Variants in AKT2 observed in about 807,000 individuals in gnomAD.
The protein encoded by AKT2 is RAC-beta serine/threonine-protein kinase.
A neutral mutation model predicts 58.6 loss-of-function variants in AKT2; 16 were observed. The ratio of observed to expected loss-of-function variants is 0.27; its 90% CI spans 0.18 to 0.41. AKT2 has a LOEUF of 0.41. AKT2 is among the 10% of genes least tolerant of loss of function. The pLI is 1.00. For synonymous variants in AKT2, 253 were observed against 254.0 expected (o/e 1.00, Z 0.04); for missense variants, 438 against 661.0 (o/e 0.66, Z 3.70).
At chr19:40,257,198 T>C in intron 2 of AKT2, 144 bp from the exon 3 acceptor site, 2 of 1,139,998 alleles carry the variant, frequency 1.8e-6, no homozygotes, top group South Asian at 1.3e-5. Flanking sequence ...AGAATGCCTC[T>C]CCCAGAGGAG....
chr19:40,232,401 C>A lies in AKT2; in HGVS notation c.*1471G>T. On this transcript the variant is annotated 3_prime_UTR_variant, in exon 14 of 14. Coordinates refer to ENST00000392038, the MANE Select transcript of AKT2 (RefSeq NM_001626.6). Reference sequence around the variant, plus strand: ...AGACGAGGAGAAAGGCCAGTAGGGACGGAGAACTGTCAGATAACAACATCG... The same window carrying A: ...AGACGAGGAGAAAGGCCAGTAGGGAAGGAGAACTGTCAGATAACAACATCG... The A allele has an allele frequency of 4.3e-6, 1 of 233,748 alleles. No homozygotes were observed. The highest frequency in any genetic ancestry group is 6.0e-5 in the East Asian group (1 of 16,582). The allele number at this position is 233,748 out of a possible 1,614,324, so 14.5% of individuals were successfully genotyped here.
In AKT2 at chr19:40,242,645, G is replaced by A. The variant is rs1974487283; in HGVS notation, c.330C>T (p.Leu110=). The change falls in exon 5 of 14, where the codon CTC becomes CTT. Residue 110 remains leucine (L), a synonymous_variant. Transcript: ENST00000392038. This position sits in a 1 kb window ranked among gnomAD's most constrained non-coding sequence, Gnocchi z 4.3. ...MRAIQMVANS[L]KQRAPGEDPM... is the part of the protein sequence containing the mutation. The stretch of plus-strand genomic sequence containing the variant: ...GGTCCTCGCCTGGGGCCCGCTGCTT[G>A]AGGCTGTTGGCGACCATCTGGATGG... 6.2e-7 allele frequency: 1 copy of A among 1,613,090 alleles called. No individual in the cohort carries two copies. Among genetic ancestry groups the A allele is most frequent in the South Asian group, 1.1e-5 (1 of 91,086 alleles).
chr19:40,275,264 C>G (rs1568571881), intron 1 of AKT2: 1 of 456,862 alleles, frequency 2.2e-6, no homozygotes. Context: ...CTTACCGCCC[C>G]TGATGTGCAC....
chr19:40,247,468 C>T (rs758343704), intron 4 of AKT2, among the ~76,000 whole-genome samples: 1 of 152,212 alleles, frequency 6.6e-6, no homozygotes, highest in Non-Finnish European at 1.5e-5. Flanking sequence ...GCACAGCCTA[C>T]TCCTCCTTAG....
rs753957373 is a variant in AKT2 at position 40,235,483 on chromosome 19, A to C, written c.1176-133T>G. On this transcript the variant is annotated intron_variant, in intron 11 of 13. Coordinates refer to ENST00000392038, the MANE Select transcript of AKT2 (RefSeq NM_001626.6). The surrounding 1 kb of genome is among the most constrained non-coding windows in gnomAD (Gnocchi z 6.3). Reference sequence around the variant, plus strand: ...CCACAAACCACTTCACAGAGGAGGAAACCGAGGCTCAGGGAGGGAGCTCAC... The same window carrying C: ...CCACAAACCACTTCACAGAGGAGGACACCGAGGCTCAGGGAGGGAGCTCAC... The C allele has an allele frequency of 1.1e-6, 1 of 873,424 alleles. No individual in the cohort carries two copies. Among genetic ancestry groups the C allele is most frequent in the East Asian group, 2.6e-5 (1 of 37,968 alleles). 54.1% of individuals were successfully genotyped at this position (873,424 alleles called of 1,614,324 possible). A position where few individuals can be genotyped will look rare whatever the true frequency, so the allele number is the denominator to read the frequency against.
Position 40,230,846 on chromosome 19 carries a change from A to G in AKT2, c.*3026T>C, listed in dbSNP as rs1026967152. On this transcript the variant is annotated 3_prime_UTR_variant, in exon 14 of 14. Coordinates refer to ENST00000392038, the MANE Select transcript of AKT2 (RefSeq NM_001626.6). ...TCTTCCCACCTCACCTCAGCCTTCC[A>G]AGTTAGCTGGGATTGCAGGCATGCA... is the stretch of plus-strand genomic sequence containing the variant. The G allele has an allele frequency of 5.3e-6, 1 of 188,126 alleles. No individual in the cohort carries two copies. The highest frequency in any genetic ancestry group is 2.3e-5 in the African/African-American group (1 of 42,642). The allele number at this position is 188,126 out of a possible 1,614,324, so 11.7% of individuals were successfully genotyped here.
Position 40,235,548 on chromosome 19 carries a change from C to T in AKT2, c.1176-198G>A. On this transcript the variant is annotated intron_variant, in intron 11 of 13. Transcript: ENST00000392038. This position sits in a 1 kb window ranked among gnomAD's most constrained non-coding sequence, Gnocchi z 6.3. ...AGCCAGGGAGTCAGCAACCCGGACC[C>T]ACGTGTCCTCACTGCCTGGCCTTAC... is the stretch of plus-strand genomic sequence containing the variant. The T allele has an allele frequency of 1.5e-6, 1 of 656,532 alleles. No homozygotes were observed. Among genetic ancestry groups the T allele is most frequent in the Non-Finnish European group, 2.7e-6 (1 of 365,572 alleles). 40.7% of individuals were successfully genotyped at this position (656,532 alleles called of 1,614,324 possible).
chr19:40,255,090 C>T, intron 4 of AKT2, 68 bp downstream of exon 4: 1 of 1,275,826 alleles, frequency 7.8e-7, no homozygotes, highest in Non-Finnish European at 1.1e-6. Flanking sequence ...ATCTCTCCAG[C>T]TGTACCTTTT....
chr19:40,261,905 GTTT>G (rs969695459), intron 2 of AKT2, among the ~76,000 whole-genome samples: 1 of 55,836 alleles, frequency 1.8e-5, no homozygotes. Context: ...TTTCATCCCC[GTTT>G]TTTTTTTTTT....
chr19:40,255,032 C>T lies in AKT2; in HGVS notation c.287+126G>A, dbSNP rs189288812. 3.2e-3 allele frequency: 2,370 copies of T among 749,918 alleles called. 5 individuals carry two copies. The highest frequency in any genetic ancestry group is 4.3e-3 in the Non-Finnish European group (1,828 of 422,442). 46.5% of individuals were successfully genotyped at this position (749,918 alleles called of 1,614,324 possible). On this transcript the variant is annotated intron_variant, in intron 4 of 13. Coordinates refer to ENST00000392038, the MANE Select transcript of AKT2 (RefSeq NM_001626.6). ...TCTCAGCCCCAGCTGGAGAGACCCC[C>T]CAACCAGAAGCGCAGATAGGAAACC...
chr19:40,239,411 CAG>C, intron 7 of AKT2: 1 of 266,608 alleles, frequency 3.8e-6, no homozygotes, highest in East Asian at 1.0e-4. Flanking sequence ...AGGAGATCTA[CAG>C]AGAGTTCCTC....
rs1206953411 is a variant in AKT2 at position 40,257,258 on chromosome 19, G to A, written c.47-204C>T. On this transcript the variant is annotated intron_variant, in intron 2 of 13. Coordinates refer to ENST00000392038, the MANE Select transcript of AKT2 (RefSeq NM_001626.6). ...CAGGCTGGGGCACTGGGCTGAGCCC[G>A]GGTGATCCACAGGTCATGCCTGGCA... is the stretch of plus-strand genomic sequence containing the variant. Among the ~76,000 whole-genome samples the A allele has an allele frequency of 2.0e-5, 3 of 152,338 alleles. No individual in the cohort carries two copies. The East Asian group carries it at 5.8e-4, about 29-fold the overall frequency.
At chr19:40,282,291 T>A (rs779118789) in intron 1 of AKT2, 16 of 344,086 alleles carry the variant, frequency 4.6e-5, no homozygotes, top group Non-Finnish European at 8.6e-5. Context: ...AAGGTGGACG[T>A]CCTTCTGAGA....
chr19:40,278,635 C>A (rs2077368697), intron 1 of AKT2, among the ~76,000 whole-genome samples: 2 of 152,066 alleles, frequency 1.3e-5, no homozygotes, highest in South Asian at 4.1e-4. Flanking sequence ...CAAGGACCAA[C>A]AACGAGCCTG....
In AKT2 at chr19:40,234,656, C is replaced by T. The variant is rs1973899429; in HGVS notation, c.1366+389G>A. ...AGCCCTGACCACTCCAGGCCGCCCA[C>T]CCTACCTGGGCTGGGAGCTTTCCAG... On this transcript the variant is annotated intron_variant, in intron 13 of 13. Coordinates refer to ENST00000392038, the MANE Select transcript of AKT2 (RefSeq NM_001626.6). The surrounding 1 kb of genome is among the most constrained non-coding windows in gnomAD (Gnocchi z 4.7). 1 of 559,258 alleles carries T rather than the reference C, an allele frequency of 1.8e-6. No homozygotes were observed. Among genetic ancestry groups the T allele is most frequent in the African/African-American group, 1.9e-5 (1 of 53,314 alleles). The allele number at this position is 559,258 out of a possible 1,614,324, so 34.6% of individuals were successfully genotyped here. A position where few individuals can be genotyped will look rare whatever the true frequency, so the allele number is the denominator to read the frequency against.
At chr19:40,265,387 G>A in intron 1 of AKT2, 36 bp from the exon 2 acceptor site, 1 of 1,535,558 alleles carries the variant, frequency 6.5e-7, no homozygotes, top group Non-Finnish European at 8.7e-7. Context: ...AGGGCGGGAG[G>A]GGATTCCACA....
intron 2 of AKT2, among the ~76,000 whole-genome samples, 189 bp downstream of exon 2, chr19:40,265,033 C>T (rs1976244030): frequency 6.6e-6 from 1 of 152,172 alleles, no homozygotes; most frequent in Non-Finnish European, 1.5e-5. Flanking sequence ...CAGTCAGATC[C>T]CTGCTCTCCT....
chr19:40,251,442 T>C (rs1975147567), intron 4 of AKT2, among the ~76,000 whole-genome samples: 1 of 152,034 alleles, frequency 6.6e-6, no homozygotes, highest in Admixed American at 6.6e-5. Flanking sequence ...CTAATTCTAG[T>C]TTACAAGAAA....
In AKT2 at chr19:40,255,177, C is replaced by T. The variant is rs1160079555; in HGVS notation, c.268G>A (p.Val90Met). 1.1e-5 allele frequency: 17 copies of T among 1,613,852 alleles called. No homozygotes were observed. The highest frequency in any genetic ancestry group is 2.2e-5 in the East Asian group (1 of 44,896). Residue 90 changes from valine to methionine, a missense_variant, in exon 4 of 14, where the codon GTG becomes ATG. Val to Met is a conservative substitution (Grantham distance 21, BLOSUM62 1). Coordinates refer to ENST00000392038, the MANE Select transcript of AKT2 (RefSeq NM_001626.6). ...ACTGACCTCTCGTCTGGAGAATCCA[C>T]GTGGAAGGTCCTCTCGATGACTGTG... Reference protein sequence around the residue: ...WTTVIERTFHVDSPDEREEWM... With the variant: ...WTTVIERTFHMDSPDEREEWM...
Sources: gnomAD v4.1 joint callset for allele counts (sites outside exome capture counted in the v4.1 genomes callset) on GRCh38, gnomAD v4.1.1 for gene constraint, Gnocchi (gnomAD v3.1) non-coding constraint, MANE v1.5 for transcripts, NCBI Gene and HGNC (gene_info 2026-07-23, HGNC 2026-07-21) for gene names.